The following ADGRL2 variants were observed in gnomAD, a reference collection of about 807,000 sequenced individuals.
The protein encoded by ADGRL2 is calcium-independent alpha-latrotoxin receptor 2.
A neutral mutation model predicts 157.4 loss-of-function variants in ADGRL2; 44 were observed. The ratio of observed to expected loss-of-function variants is 0.28; its 90% CI spans 0.22 to 0.36. ADGRL2 has a LOEUF of 0.36. Ranked by LOEUF, ADGRL2 falls within the 10% of genes least tolerant of loss-of-function variation. ADGRL2 has a pLI of 1.00. For synonymous variants in ADGRL2, 585 were observed against 624.7 expected, an observed-to-expected ratio of 0.94 and a Z score of 0.95; for missense variants, 1,510 against 1,768.9, an observed-to-expected ratio of 0.85 and a Z score of 2.63.
intron 2 of ADGRL2, among the ~76,000 whole-genome samples, chr1:81,475,040 C>A (rs143795301): frequency 3.3e-5 from 5 of 152,272 alleles, no homozygotes; most frequent in Non-Finnish European, 7.4e-5. Flanking sequence ...TCAGAGTCAT[C>A]ACAATTCGTT....
intron 3 of ADGRL2, among the ~76,000 whole-genome samples, chr1:81,691,029 A>G (rs1374604853): frequency 1.3e-5 from 2 of 152,198 alleles, no homozygotes; most frequent in African/African-American, 2.4e-5. Context: ...TGAGATTCGT[A>G]TGAGATTTTT....
Position 81,993,071 on chromosome 1 carries a change from ATATATATATATAT to A in ADGRL2, c.*1927_*1939del, listed in dbSNP as rs1664837111. 6.8e-5 allele frequency among the ~76,000 whole-genome samples: 2 copies of A among 29,488 alleles called. No individual in the cohort carries two copies. The highest frequency in any genetic ancestry group is 1.4e-3 in the South Asian group (1 of 732). The allele number at this position is 29,488 out of a possible 152,430, so 19.3% of individuals were successfully genotyped here. ...ATATATAATATACATATATATATAT[ATATATATATATAT>A]ATATTTTTTTTTTTTTTTTTTTTTT... On this transcript the variant is annotated 3_prime_UTR_variant, in exon 24 of 24. Coordinates refer to ENST00000686636, the MANE Select transcript of ADGRL2 (RefSeq NM_001366006.2).
intron 3 of ADGRL2, among the ~76,000 whole-genome samples, chr1:81,678,949 C>T (rs979068278): frequency 7.9e-5 from 12 of 152,104 alleles, no homozygotes; most frequent in Admixed American, 3.9e-4. Flanking sequence ...ATATCAGAAC[C>T]GGTGTTTCTG....
chr1:81,785,947 A>G (rs1177309897), intron 2 of ADGRL2, among the ~76,000 whole-genome samples: 1 of 150,320 alleles, frequency 6.7e-6, no homozygotes, highest in African/African-American at 2.4e-5. Context: ...TCTCTACAGA[A>G]AAAAAAAAAT....
At chr1:81,865,609 T>A (rs910862437) in intron 2 of ADGRL2, among the ~76,000 whole-genome samples, 1 of 152,158 alleles carries the variant, frequency 6.6e-6, no homozygotes, top group Non-Finnish European at 1.5e-5. Context: ...ACATTTCTCC[T>A]GAGAGATACC....
At chr1:81,471,652 A>C (rs752507783) in intron 2 of ADGRL2, among the ~76,000 whole-genome samples, 2 of 152,220 alleles carry the variant, frequency 1.3e-5, no homozygotes, top group Non-Finnish European at 2.9e-5. Flanking sequence ...AAACAGTTTT[A>C]AGCCTGAATC....
intron 1 of ADGRL2, among the ~76,000 whole-genome samples, chr1:81,438,883 C>T (rs12128211): frequency 0.026 from 4,022 of 152,230 alleles, 67 homozygotes; most frequent in Middle Eastern, 0.048. Context: ...TTTCTTTAAA[C>T]TCCTTGAATC....
intron 2 of ADGRL2, among the ~76,000 whole-genome samples, chr1:81,480,839 C>T (rs1228877228): frequency 6.6e-6 from 1 of 152,132 alleles, no homozygotes. Context: ...CACCCACATT[C>T]AACCATATAT....
At chr1:81,332,163 C>A (rs1661315897) in intron 1 of ADGRL2, among the ~76,000 whole-genome samples, 1 of 152,040 alleles carries the variant, frequency 6.6e-6, no homozygotes, top group South Asian at 2.1e-4. Context: ...ATTTTTTGTC[C>A]AACTCTGTGC....
At chr1:81,645,396 C>CA (rs374061248) in intron 3 of ADGRL2, among the ~76,000 whole-genome samples, 25,093 of 94,112 alleles carry the variant, frequency 0.27, 2,899 homozygotes, top group East Asian at 0.33. Context: ...GATCCTGTCT[C>CA]AAAAAAAAAA....
At chr1:81,643,947 T>C (rs1486463823) in intron 3 of ADGRL2, among the ~76,000 whole-genome samples, 1 of 152,144 alleles carries the variant, frequency 6.6e-6, no homozygotes, top group Non-Finnish European at 1.5e-5. Flanking sequence ...GAGAACAAAG[T>C]TGAAGGACTG....
chr1:81,725,301 A>T (rs2084483755), intron 1 of ADGRL2, among the ~76,000 whole-genome samples: 1 of 151,444 alleles, frequency 6.6e-6, no homozygotes, highest in Admixed American at 6.6e-5. Flanking sequence ...GCACTTTGGG[A>T]GGCCGAAGCG....
At chr1:81,913,593 T>C (rs2094783976) in intron 3 of ADGRL2, among the ~76,000 whole-genome samples, 3 of 152,182 alleles carry the variant, frequency 2.0e-5, no homozygotes, top group South Asian at 4.1e-4. Context: ...TTGAGATTGT[T>C]AGAGCTACGG....
intron 2 of ADGRL2, among the ~76,000 whole-genome samples, chr1:81,520,317 TTAGG>T (rs1323103160): frequency 1.3e-5 from 2 of 152,068 alleles, no homozygotes; most frequent in African/African-American, 4.8e-5. Context: ...ACCAATTATA[TTAGG>T]TAGGATTTGA....
intron 2 of ADGRL2, among the ~76,000 whole-genome samples, chr1:81,549,193 C>A (rs2148373795): frequency 6.6e-6 from 1 of 152,278 alleles, no homozygotes; most frequent in East Asian, 1.9e-4. Context: ...AGACCTAATC[C>A]ATCAGTTACC....
intron 1 of ADGRL2, among the ~76,000 whole-genome samples, chr1:81,367,609 G>C (rs2076089223): frequency 6.6e-6 from 1 of 151,982 alleles, no homozygotes; most frequent in Non-Finnish European, 1.5e-5. Context: ...GCCCAGGCTG[G>C]AGCGCAATGG....
At chr1:81,592,703 C>T (rs1273507981) in intron 3 of ADGRL2, among the ~76,000 whole-genome samples, 1 of 152,122 alleles carries the variant, frequency 6.6e-6, no homozygotes, top group Non-Finnish European at 1.5e-5. Context: ...CAGCTGAAAA[C>T]TGTGAGAGCT....
At chr1:81,830,039 T>A (rs771454628) in intron 1 of ADGRL2, among the ~76,000 whole-genome samples, 5 of 152,310 alleles carry the variant, frequency 3.3e-5, no homozygotes, top group South Asian at 4.1e-4. Flanking sequence ...CTCATCACAT[T>A]TACTACCATT....
intron 1 of ADGRL2, among the ~76,000 whole-genome samples, chr1:81,363,227 A>C (rs763354772): frequency 6.6e-6 from 1 of 152,068 alleles, no homozygotes; most frequent in Non-Finnish European, 1.5e-5. Flanking sequence ...TGAGTAGGGA[A>C]CATTGATTTA....
Sources: allele counts gnomAD v4.1 joint callset (sites outside exome capture counted in the v4.1 genomes callset), GRCh38; gene constraint gnomAD v4.1.1; transcripts MANE v1.5; gene names NCBI Gene and HGNC (gene_info 2026-07-23, HGNC 2026-07-21).